IGF2R: variants seen among roughly 807,000 people sequenced by gnomAD.
The protein encoded by IGF2R is cation-independent mannose-6-phosphate receptor.
IGF2R carries 91 observed loss-of-function variants against 270.6 expected under a neutral mutation model. The ratio of observed to expected loss-of-function variants is 0.34; its 90% confidence interval spans 0.28 to 0.40. IGF2R has a LOEUF of 0.40. Among genes scored for constraint, IGF2R ranks in the 10% least tolerant of loss-of-function variants. The pLI is 1.00. For missense variants in IGF2R, 2,805 were observed against 3,188.3 expected (o/e 0.88, Z 2.90); for synonymous variants, 1,316 against 1,258.9 (o/e 1.05, Z -0.96).
chr6:160,056,852 C>T (rs757199690), intron 20 of IGF2R, among the ~76,000 whole-genome samples: 1 of 152,156 alleles, frequency 6.6e-6, no homozygotes, highest in African/African-American at 2.4e-5. Flanking sequence ...TCTGACTAGT[C>T]GATACGTCAC....
intron 5 of IGF2R, among the ~76,000 whole-genome samples, chr6:160,025,672 GT>G (rs1054608507): frequency 3.3e-5 from 5 of 151,948 alleles, no homozygotes; most frequent in African/African-American, 1.2e-4. Flanking sequence ...TGATAACTAG[GT>G]TTTTTTGTGT....
intron 12 of IGF2R, among the ~76,000 whole-genome samples, chr6:160,044,220 C>CT (rs1778014197): frequency 6.6e-6 from 1 of 152,196 alleles, no homozygotes; most frequent in South Asian, 2.1e-4. Flanking sequence ...GCCATTTGGT[C>CT]TTTCTTGCCC....
chr6:160,032,586 C>T lies in IGF2R; in HGVS notation c.918C>T (p.Cys306=), dbSNP rs1376821342. ...CCAAACTCACAGCTAAATCCAACTG[C>T]CGCTATGAAATTGAGTGGATTACTG... ...TIPKLTAKSN[C]RYEIEWITEY... The change falls in exon 8 of 48, where the codon TGC becomes TGT. Residue 306 remains cysteine (C), a synonymous_variant. Coordinates refer to ENST00000356956, the MANE Select transcript of IGF2R (RefSeq NM_000876.4). 3.1e-6 allele frequency: 5 copies of T among 1,614,082 alleles called. No individual in the cohort carries two copies. The highest frequency in any genetic ancestry group is 3.4e-6 in the Non-Finnish European group (4 of 1,179,954).
intron 29 of IGF2R, among the ~76,000 whole-genome samples, chr6:160,067,210 C>T (rs150714026): frequency 3.0e-4 from 46 of 152,202 alleles, no homozygotes; most frequent in African/African-American, 1.1e-3. Context: ...GCTTATGTGC[C>T]TCGGGCCCTT....
chr6:160,073,490 G>A (rs1174853548), intron 34 of IGF2R, 21 bp downstream of exon 34: 8 of 1,612,608 alleles, frequency 5.0e-6, no homozygotes, highest in East Asian at 2.2e-5. Context: ...AGATGGGCAC[G>A]GGAGAAGTGC....
intron 29 of IGF2R, among the ~76,000 whole-genome samples, chr6:160,066,181 A>AT (rs1336750451): frequency 6.6e-6 from 1 of 151,422 alleles, no homozygotes; most frequent in East Asian, 1.9e-4. Context: ...CACCTGGCGA[A>AT]TTTTTTTGTA....
Position 160,061,912 on chromosome 6 carries a change from A to G in IGF2R, c.3566A>G (p.Glu1189Gly), listed in dbSNP as rs1778448285. 3 of 1,613,952 alleles carry G rather than the reference A, an allele frequency of 1.9e-6. No individual in the cohort carries two copies. The South Asian group carries it at 3.3e-5, about 18-fold the overall frequency. The change falls in exon 25 of 48, where the codon GAG becomes GGG. Residue 1189 changes from glutamate (E) to glycine (G), a missense_variant. Physicochemically the swap from Glu to Gly is moderately conservative, Grantham distance 98 (BLOSUM62 -2). This residue lies in a region of IGF2R where 1,851 missense variants were observed against 2,207.2 expected (regional missense o/e 0.84). Transcript: ENST00000356956. ...NQRFSTRITF[E>G]CAQISGSPAF... ...CGCTTCTCCACCAGGATCACGTTTG[A>G]GTGTGCTCAGATATCGGTGTGTGTT...
chr6:160,093,863 G>A lies in IGF2R; in HGVS notation c.6656-2576G>A. On this transcript the variant is annotated intron_variant, in intron 44 of 47. Transcript: ENST00000356956. ...AATAAATATCTCAGATAAGCAGCTG[G>A]GCAGTATCGCAGACAGGACCATTCA... 11 of 727,812 alleles carry A rather than the reference G, an allele frequency of 1.5e-5. 1 individual carries two copies. The highest frequency in any genetic ancestry group is 1.5e-4 in the South Asian group (11 of 73,956). The allele number at this position is 727,812 out of a possible 1,614,324, so 45.1% of individuals were successfully genotyped here. A position where few individuals can be genotyped will look rare whatever the true frequency, so the allele number is the denominator to read the frequency against.
At chr6:160,072,997 G>A (rs779367954) in intron 33 of IGF2R, 113 bp downstream of exon 33, 175 of 1,457,342 alleles carry the variant, frequency 1.2e-4, no homozygotes, top group Middle Eastern at 7.7e-4. Flanking sequence ...AAGCTGAGAC[G>A]CTTTTGTCTC....
chr6:160,042,860 G>A (rs985296263), intron 11 of IGF2R, among the ~76,000 whole-genome samples: 6 of 152,134 alleles, frequency 3.9e-5, no homozygotes, highest in Non-Finnish European at 5.9e-5. Context: ...CATACTGTGG[G>A]GCTTGGGAGA....
At chr6:160,076,670 A>G (rs566044657) in intron 36 of IGF2R, among the ~76,000 whole-genome samples, 1 of 152,334 alleles carries the variant, frequency 6.6e-6, no homozygotes, top group African/African-American at 2.4e-5. Flanking sequence ...TGCTCCAGGG[A>G]CACAGCACCA....
chr6:160,103,829 G>T lies in IGF2R; in HGVS notation c.7065+14G>T. ...AAATACTCAAAGGTAATTTTCTGTGGCGAGTCTCTTGAAGGCCTGCCTCCC... is the reference window on the plus strand; with the variant it reads ...AAATACTCAAAGGTAATTTTCTGTGTCGAGTCTCTTGAAGGCCTGCCTCCC... On this transcript the variant is annotated intron_variant, in intron 47 of 47. Transcript: ENST00000356956. 3.8e-6 allele frequency: 6 copies of T among 1,593,706 alleles called. No individual in the cohort carries two copies. The highest frequency in any genetic ancestry group is 5.2e-6 in the Non-Finnish European group (6 of 1,161,414).
intron 1 of IGF2R, among the ~76,000 whole-genome samples, chr6:159,975,031 C>G (rs554112028): frequency 1.3e-5 from 2 of 152,284 alleles, no homozygotes; most frequent in African/African-American, 4.8e-5. Flanking sequence ...TCCCCAGGCA[C>G]CAAGCAGTGA....
chr6:160,056,178 A>G (rs907531314), intron 19 of IGF2R, among the ~76,000 whole-genome samples: 2 of 152,164 alleles, frequency 1.3e-5, no homozygotes, highest in Non-Finnish European at 2.9e-5. Context: ...GAATTCTACC[A>G]TTTACTGCTG....
At chr6:160,103,063 C>G (rs1431252049) in intron 46 of IGF2R, among the ~76,000 whole-genome samples, 2 of 152,132 alleles carry the variant, frequency 1.3e-5, no homozygotes, top group African/African-American at 4.8e-5. Flanking sequence ...TGATGCCATC[C>G]TTTTGCGCCA....
intron 41 of IGF2R, among the ~76,000 whole-genome samples, chr6:160,086,143 G>T (rs901730585): frequency 5.3e-5 from 8 of 152,174 alleles, no homozygotes; most frequent in Admixed American, 1.3e-4. Context: ...GTGAACACAG[G>T]GGGTGACATG....
rs766500589 is a variant in IGF2R at position 160,102,580 on chromosome 6, C to T, written c.6904C>T (p.Arg2302Trp). 17 of 1,613,520 alleles carry T rather than the reference C, an allele frequency of 1.1e-5. No individual in the cohort carries two copies. Among genetic ancestry groups the T allele is most frequent in the East Asian group, 4.5e-5 (2 of 44,880 alleles). Reference protein sequence around the residue: ...DGQMHKGLSERSQAVGAVLSL... With the variant: ...DGQMHKGLSEWSQAVGAVLSL... ...GCAGATGCACAAGGGGCTGTCAGAA[C>T]GGAGCCAGGCAGTCGGCGCGGTGCT... The change falls in exon 46 of 48, where the codon CGG (arginine) becomes TGG (tryptophan). Residue 2302 changes from arginine (R) to tryptophan (W), a missense_variant. Arg to Trp is a moderately radical substitution (Grantham distance 101). Around this residue, in one of 2 missense-constraint regions of IGF2R, gnomAD observed 1,851 missense variants for 2,207.2 expected, o/e 0.84. Transcript: ENST00000356956. The surrounding 1 kb of genome is among the most constrained non-coding windows in gnomAD (Gnocchi z 4.5).
intron 29 of IGF2R, among the ~76,000 whole-genome samples, chr6:160,065,836 A>ATG (rs1562364494): frequency 1.4e-4 from 16 of 117,030 alleles, no homozygotes; most frequent in African/African-American, 5.5e-4. Context: ...ATATATATAT[A>ATG]TATATATATG....
Position 159,980,200 on chromosome 6 carries a change from A to AAGAAAGGAAGAAAGG in IGF2R, c.149+10806_149+10807insGAAAGGAAGAAAGGA, listed in dbSNP as rs1562330467. Among the ~76,000 whole-genome samples the AAGAAAGGAAGAAAGG allele has an allele frequency of 2.0e-4, 16 of 80,760 alleles. 1 individual carries two copies. The highest frequency in any genetic ancestry group is 9.7e-4 in the African/African-American group (14 of 14,480). 53.0% of individuals were successfully genotyped at this position (80,760 alleles called of 152,430 possible). A position where few individuals can be genotyped will look rare whatever the true frequency, so the allele number is the denominator to read the frequency against. ...CGTCTCAAAAAAGAAAGAAAGAAAG[A>AAGAAAGGAAGAAAGG]AAGAAAGAAAGAAAGAAAGAAAGAA... is the stretch of plus-strand genomic sequence containing the variant. On this transcript the variant is annotated intron_variant, in intron 1 of 47. Transcript: ENST00000356956.
Sources: allele counts gnomAD v4.1 joint callset (sites outside exome capture counted in the v4.1 genomes callset), GRCh38; gene constraint gnomAD v4.1.1; regional missense constraint gnomAD v4.1.1; non-coding constraint Gnocchi (gnomAD v3.1); transcripts MANE v1.5; gene names NCBI Gene and HGNC (gene_info 2026-07-23, HGNC 2026-07-21).